Variants in STK33 observed in about 807,000 individuals in gnomAD.
STK33 encodes serine/threonine kinase 33, also known as serine/threonine-protein kinase 33.
STK33 carries 52 observed loss-of-function variants against 58.0 expected under a neutral mutation model. The observed-to-expected ratio is 0.90, with a 90% CI of 0.72 to 1.13. STK33 has a LOEUF of 1.13. Ranked by LOEUF, STK33 falls within the 50% of genes most tolerant of loss-of-function variation. The pLI is 0.00. For synonymous variants in STK33, 215 were observed against 200.1 expected (o/e 1.07, Z -0.63); for missense variants, 630 against 604.2 (o/e 1.04, Z -0.45).
rs561336861 is a variant in STK33, at chr11:8,401,137, C to T, written c.1345-8427G>A. 4.6e-5 allele frequency among the ~76,000 whole-genome samples: 7 copies of T among 152,176 alleles called. No individual in the cohort carries two copies. In the East Asian group the frequency reaches 9.6e-4, roughly 21 times the overall value. On this transcript the variant is annotated intron_variant, in intron 15 of 15. Transcript: ENST00000687296. Reference sequence around the variant, plus strand: ...AAACTGCTTTAAAGTTAATATGGAACCAAAAAAGAGCCCACATTGCCAAGT... The same window carrying T: ...AAACTGCTTTAAAGTTAATATGGAATCAAAAAAGAGCCCACATTGCCAAGT...
In STK33 at chr11:8,572,041, T is replaced by TAA. The variant is rs1565393781; in HGVS notation, c.-466+22040_-466+22041dup. Among the ~76,000 whole-genome samples the TAA allele has an allele frequency of 2.8e-4, 21 of 73,988 alleles. 6 individuals are homozygous for TAA. Among genetic ancestry groups the TAA allele is most frequent in the African/African-American group, 1.0e-3 (13 of 12,592 alleles). The allele number at this position is 73,988 out of a possible 152,430, so 48.5% of individuals were successfully genotyped here. A position where few individuals can be genotyped will look rare whatever the true frequency, so the allele number is the denominator to read the frequency against. ...TAAATTTTAATTTTAAAAAATAAATTAATTAATTAATTAATTTTAAAATTA... is the reference window on the plus strand; with the variant it reads ...TAAATTTTAATTTTAAAAAATAAATTAAAATTAATTAATTAATTTTAAAATTA... On this transcript the variant is annotated intron_variant, in intron 1 of 15. Transcript: ENST00000687296.
intron 1 of STK33, among the ~76,000 whole-genome samples, chr11:8,535,629 T>C (rs534718174): frequency 6.6e-6 from 1 of 152,146 alleles, no homozygotes; most frequent in South Asian, 2.1e-4. Context: ...TTATAAACTG[T>C]TGGTGGGAAT....
intron 14 of STK33, among the ~76,000 whole-genome samples, chr11:8,434,800 T>C (rs182703574): frequency 2.8e-4 from 43 of 152,334 alleles, no homozygotes; most frequent in African/African-American, 1.0e-3. Context: ...GACTTGCATC[T>C]CACTGACCAT....
chr11:8,373,021 G>A, the STK33 span, among the ~76,000 whole-genome samples: 1 of 152,214 alleles, frequency 6.6e-6, no homozygotes, highest in African/African-American at 2.4e-5. Context: ...AGAGTCCACT[G>A]TTCCCCTTAG....
At position 8,480,553 on chromosome 11, in the gene STK33, T is replaced by C. The variant is rs1327037168; in HGVS notation, c.-404A>G. 6.6e-6 allele frequency: 1 copy of C among 151,932 alleles called. No homozygotes were observed. Among genetic ancestry groups the C allele is most frequent in the East Asian group, 1.9e-4 (1 of 5,192 alleles). 9.4% of individuals were successfully genotyped at this position (151,932 alleles called of 1,614,324 possible). A position where few individuals can be genotyped will look rare whatever the true frequency, so the allele number is the denominator to read the frequency against. On this transcript the variant is annotated 5_prime_UTR_variant, in exon 2 of 16. Coordinates refer to ENST00000687296, the MANE Select transcript of STK33 (RefSeq NM_001352389.2). ...ATTTACCCTGGAGTGGGGAGGGGCGTAGTGAGATGCAGGGAGGAGATGAGC... is the reference window on the plus strand; with the variant it reads ...ATTTACCCTGGAGTGGGGAGGGGCGCAGTGAGATGCAGGGAGGAGATGAGC...
chr11:8,346,529 T>C, the STK33 span, among the ~76,000 whole-genome samples: 1 of 152,164 alleles, frequency 6.6e-6, no homozygotes, highest in Non-Finnish European at 1.5e-5. Context: ...GGTGGCATGG[T>C]GCTCTGAGAT....
intron 1 of STK33, among the ~76,000 whole-genome samples, chr11:8,543,953 T>C (rs921672351): frequency 1.8e-4 from 28 of 152,310 alleles, no homozygotes; most frequent in African/African-American, 6.7e-4. Context: ...AAAATGCCCA[T>C]GTGATTTTTT....
At chr11:8,469,937 T>C (rs751860847) in intron 6 of STK33, among the ~76,000 whole-genome samples, 2 of 152,236 alleles carry the variant, frequency 1.3e-5, no homozygotes, top group Non-Finnish European at 2.9e-5. Context: ...GGTGCTATCA[T>C]TCAGGCTTTG....
the STK33 span, among the ~76,000 whole-genome samples, chr11:8,383,928 G>C: frequency 6.6e-6 from 1 of 152,080 alleles, no homozygotes; most frequent in Non-Finnish European, 1.5e-5. Context: ...CTCCACCTTA[G>C]GGCTCTTTTC....
chr11:8,542,554 T>C (rs1591709356), intron 1 of STK33, among the ~76,000 whole-genome samples: 1 of 152,100 alleles, frequency 6.6e-6, no homozygotes, highest in African/African-American at 2.4e-5. Flanking sequence ...ACATCCAAAA[T>C]GCATATGGCT....
intron 1 of STK33, among the ~76,000 whole-genome samples, chr11:8,553,823 A>C (rs1002876280): frequency 6.6e-6 from 1 of 152,200 alleles, no homozygotes; most frequent in Non-Finnish European, 1.5e-5. Context: ...TTAAAGACTT[A>C]AATATAAGAC....
At chr11:8,550,501 T>G (rs1956232510) in intron 1 of STK33, among the ~76,000 whole-genome samples, 1 of 152,194 alleles carries the variant, frequency 6.6e-6, no homozygotes, top group South Asian at 2.1e-4. Context: ...TTTCATGCTT[T>G]GCTTCCCTTA....
chr11:8,486,343 A>T (rs1950193352), intron 1 of STK33, among the ~76,000 whole-genome samples: 1 of 152,198 alleles, frequency 6.6e-6, no homozygotes, highest in Admixed American at 6.5e-5. Context: ...GCCAACATAC[A>T]GAACTTCTTT....
intron 1 of STK33, among the ~76,000 whole-genome samples, chr11:8,563,471 T>G (rs1224480500): frequency 6.6e-6 from 1 of 152,204 alleles, no homozygotes; most frequent in African/African-American, 2.4e-5. Context: ...AACGTAAGTC[T>G]GTAGGTATAT....
chr11:8,482,775 G>C (rs918372141), intron 1 of STK33, among the ~76,000 whole-genome samples: 4 of 151,524 alleles, frequency 2.6e-5, no homozygotes, highest in African/African-American at 9.7e-5. Context: ...TGTCACCCAG[G>C]CTGGAGTGCA....
intron 1 of STK33, among the ~76,000 whole-genome samples, chr11:8,491,305 T>C (rs1950592755): frequency 6.6e-6 from 1 of 152,160 alleles, no homozygotes; most frequent in South Asian, 2.1e-4. Context: ...ATGTACAAGC[T>C]TCAGTAGCCG....
chr11:8,506,896 T>G (rs562253918), intron 1 of STK33, among the ~76,000 whole-genome samples: 9 of 152,270 alleles, frequency 5.9e-5, no homozygotes, highest in Non-Finnish European at 1.3e-4. Context: ...AAATTATCCC[T>G]TTCTCCCCTG....
intron 1 of STK33, among the ~76,000 whole-genome samples, chr11:8,590,849 A>G (rs1186758851): frequency 2.0e-5 from 3 of 152,238 alleles, no homozygotes; most frequent in African/African-American, 7.2e-5. Flanking sequence ...TTCTTTCTGA[A>G]TCGCATCTTA....
At chr11:8,356,491 A>T in the STK33 span, among the ~76,000 whole-genome samples, 1 of 148,556 alleles carries the variant, frequency 6.7e-6, no homozygotes, top group Non-Finnish European at 1.5e-5. Flanking sequence ...TTTTCGTGGG[A>T]GAGGTGGGTG....
Sources: allele counts gnomAD v4.1 joint callset (sites outside exome capture counted in the v4.1 genomes callset), GRCh38; gene constraint gnomAD v4.1.1; transcripts MANE v1.5; gene names NCBI Gene and HGNC (gene_info 2026-07-23, HGNC 2026-07-21).